The following ABHD18 variants were observed in gnomAD, a reference collection of about 807,000 sequenced individuals.
The protein encoded by ABHD18 is abhydrolase domain containing 18.
ABHD18 carries 55 observed loss-of-function variants against 65.9 expected under a neutral mutation model. That is an observed-to-expected ratio of 0.84 (90% CI 0.67 to 1.05). ABHD18 has a LOEUF of 1.05. Among genes scored for constraint, ABHD18 ranks in the 50% least tolerant of loss-of-function variants. The pLI is 0.00. For synonymous variants in ABHD18, 181 were observed against 180.2 expected (o/e 1.00, Z -0.04); for missense variants, 533 against 558.5 (o/e 0.95, Z 0.46).
At chr4:128,031,664 A>T (rs1305041729) in intron 12 of ABHD18, among the ~76,000 whole-genome samples, 1 of 152,226 alleles carries the variant, frequency 6.6e-6, no homozygotes, top group Non-Finnish European at 1.5e-5. Flanking sequence ...GATATGTTTG[A>T]CATGTTTTAG....
At chr4:127,980,235 A>G (rs1748772605) in intron 1 of ABHD18, among the ~76,000 whole-genome samples, 1 of 152,176 alleles carries the variant, frequency 6.6e-6, no homozygotes, top group Admixed American at 6.5e-5. Flanking sequence ...GGCTTGCTCT[A>G]AAAGTGAGTT....
intron 6 of ABHD18, among the ~76,000 whole-genome samples, chr4:128,010,977 T>G (rs1292126863): frequency 6.6e-6 from 1 of 151,740 alleles, no homozygotes; most frequent in Non-Finnish European, 1.5e-5. Flanking sequence ...GTAGATAAAG[T>G]AGTTGTTCTT....
chr4:127,974,685 G>A (rs1747547422), intron 1 of ABHD18, among the ~76,000 whole-genome samples: 1 of 151,494 alleles, frequency 6.6e-6, no homozygotes. Flanking sequence ...TCTGTTCTGA[G>A]ATAAATAGTG....
At chr4:128,000,335 T>G in intron 4 of ABHD18, among the ~76,000 whole-genome samples, 1 of 152,240 alleles carries the variant, frequency 6.6e-6, no homozygotes. Flanking sequence ...TTCAATCTTC[T>G]GCATATGGCT....
intron 9 of ABHD18, 134 bp downstream of exon 9, chr4:128,020,303 T>C: frequency 1.5e-6 from 1 of 648,092 alleles, no homozygotes; most frequent in Non-Finnish European, 2.8e-6. Flanking sequence ...GTCGTAATCA[T>C]GATTAAGCCT....
chr4:127,983,100 C>A, intron 2 of ABHD18, 53 bp downstream of exon 2: 2 of 1,238,204 alleles, frequency 1.6e-6, no homozygotes, highest in Non-Finnish European at 2.3e-6. Flanking sequence ...TTTTAATGAA[C>A]ATTTAAAACT....
chr4:127,994,393 C>T (rs1249840592), intron 4 of ABHD18, among the ~76,000 whole-genome samples: 2 of 152,188 alleles, frequency 1.3e-5, no homozygotes, highest in East Asian at 1.9e-4. Context: ...GTCAGGAGTT[C>T]GAGACCAGTC....
At chr4:128,018,395 G>A (rs566578040) in intron 8 of ABHD18, among the ~76,000 whole-genome samples, 105 of 152,232 alleles carry the variant, frequency 6.9e-4, no homozygotes, top group African/African-American at 2.5e-3. Flanking sequence ...ATAGGTGTGG[G>A]CCACTGCACC....
chr4:128,037,877 TTA>T lies in ABHD18; in HGVS notation c.*2066_*2067del, dbSNP rs1759025582. On this transcript the variant is annotated 3_prime_UTR_variant, in exon 13 of 13. Transcript: ENST00000645843. The stretch of plus-strand genomic sequence containing the variant: ...TATGGCTCGATTTGGTGCTTTCTTT[TTA>T]TGTTAAACTTCTCTAGCTGTCAGCT... 6.7e-6 allele frequency: 1 copy of T among 148,628 alleles called. No homozygotes were observed. Among genetic ancestry groups the T allele is most frequent in the South Asian group, 2.1e-4 (1 of 4,752 alleles). The allele number at this position is 148,628 out of a possible 1,614,324, so 9.2% of individuals were successfully genotyped here. A position where few individuals can be genotyped will look rare whatever the true frequency, so the allele number is the denominator to read the frequency against.
intron 1 of ABHD18, among the ~76,000 whole-genome samples, 151 bp from the exon 2 acceptor site, chr4:127,982,788 T>C (rs1749282576): frequency 6.6e-6 from 1 of 152,324 alleles, no homozygotes; most frequent in South Asian, 2.1e-4. Context: ...CAGCTCTTTT[T>C]TTTCCCCCAA....
At chr4:127,966,101 A>T (rs1415468753) in intron 1 of ABHD18, 1 of 152,230 alleles carries the variant, frequency 6.6e-6, no homozygotes, top group African/African-American at 2.4e-5. Flanking sequence ...CGTCACAAGG[A>T]AGATGACATT....
chr4:127,969,961 C>G lies in ABHD18; in HGVS notation c.-18+4355C>G, dbSNP rs143727451. Among the ~76,000 whole-genome samples, 665 of 152,110 alleles carry G rather than the reference C, an allele frequency of 4.4e-3. 8 individuals are homozygous for G. Among genetic ancestry groups the G allele is most frequent in the African/African-American group, 0.015 (635 of 41,498 alleles). ...ACAGGGTCTCATTGTGTTGCCAGGG[C>G]TTGTCTTGCGCTCCTGGGCCCGAGC... On this transcript the variant is annotated intron_variant, in intron 1 of 12. Transcript: ENST00000645843.
Position 127,978,276 on chromosome 4 carries a change from A to G in ABHD18, c.-17-4663A>G, listed in dbSNP as rs112748291. On this transcript the variant is annotated intron_variant, in intron 1 of 12. Coordinates refer to ENST00000645843, the MANE Select transcript of ABHD18 (RefSeq NM_001358451.3). Reference sequence around the variant, plus strand: ...TTATAGATTTCTAGATTTTAAAAATAGGAATTAGAAAACAGTAGAGAGAAA... The same window carrying G: ...TTATAGATTTCTAGATTTTAAAAATGGGAATTAGAAAACAGTAGAGAGAAA... 6.2e-3 allele frequency among the ~76,000 whole-genome samples: 946 copies of G among 152,276 alleles called. 19 individuals carry two copies. Among genetic ancestry groups the G allele is most frequent in the African/African-American group, 0.021 (890 of 41,588 alleles).
chr4:128,008,647 T>A (rs928806657), intron 4 of ABHD18, among the ~76,000 whole-genome samples: 4 of 152,166 alleles, frequency 2.6e-5, no homozygotes, highest in African/African-American at 9.7e-5. Flanking sequence ...CTTTATGTAT[T>A]TATTAAGTTA....
Position 128,037,994 on chromosome 4 carries a change from T to C in ABHD18, c.*2181T>C, listed in dbSNP as rs1195926212. The C allele has an allele frequency of 1.3e-5, 2 of 152,196 alleles. No homozygotes were observed. Among genetic ancestry groups the C allele is most frequent in the Admixed American group, 6.6e-5 (1 of 15,250 alleles). The allele number at this position is 152,196 out of a possible 1,614,324, so 9.4% of individuals were successfully genotyped here. A position where few individuals can be genotyped will look rare whatever the true frequency, so the allele number is the denominator to read the frequency against. On this transcript the variant is annotated 3_prime_UTR_variant, in exon 13 of 13. Transcript: ENST00000645843. ...AGTTTTGTTTGAAATCTGTGTTGTC[T>C]GTGAATTATTTTTAAATAGGGATTC... is the stretch of plus-strand genomic sequence containing the variant.
intron 12 of ABHD18, among the ~76,000 whole-genome samples, chr4:128,032,810 A>T (rs1157555293): frequency 6.6e-6 from 1 of 152,210 alleles, no homozygotes; most frequent in Non-Finnish European, 1.5e-5. Context: ...TTGATAATAC[A>T]GGTGAATAAG....
chr4:127,984,521 A>G (rs1749626061), intron 3 of ABHD18, 98 bp downstream of exon 3: 1 of 614,656 alleles, frequency 1.6e-6, no homozygotes, highest in African/African-American at 1.9e-5. Context: ...AATAAACACT[A>G]AAATATGAGT....
At chr4:127,973,205 A>G (rs1183152000) in intron 1 of ABHD18, among the ~76,000 whole-genome samples, 1 of 152,118 alleles carries the variant, frequency 6.6e-6, no homozygotes, top group Non-Finnish European at 1.5e-5. Flanking sequence ...TCATAGAGGC[A>G]GAGTTTCCCC....
intron 7 of ABHD18, 40 bp downstream of exon 7, chr4:128,011,740 C>A: frequency 6.8e-7 from 1 of 1,481,140 alleles, no homozygotes. Context: ...TCTTTTTACC[C>A]AATATCCAGC....
Sources: gnomAD v4.1 joint callset for allele counts (sites outside exome capture counted in the v4.1 genomes callset) on GRCh38, gnomAD v4.1.1 for gene constraint, MANE v1.5 for transcripts, NCBI Gene and HGNC (gene_info 2026-07-23, HGNC 2026-07-21) for gene names.